The following DNAJC3 variants were observed in gnomAD, a reference collection of about 807,000 sequenced individuals.
DNAJC3 encodes DnaJ heat shock protein family (Hsp40) member C3.
Under a neutral mutation model 68.6 loss-of-function variants are expected in DNAJC3, and 38 were observed. That is an observed-to-expected ratio of 0.55 (90% CI 0.43 to 0.73). The LOEUF is 0.73. Ranked by LOEUF, DNAJC3 falls within the 30% of genes least tolerant of loss-of-function variation. DNAJC3 has a pLI of 0.00. For missense variants in DNAJC3, 526 were observed against 591.9 expected, an observed-to-expected ratio of 0.89 and a Z score of 1.16; for synonymous variants, 203 against 204.0, an observed-to-expected ratio of 1.00 and a Z score of 0.04.
chr13:95,680,232 A>G (rs1002852874), intron 1 of DNAJC3, among the ~76,000 whole-genome samples: 6 of 152,188 alleles, frequency 3.9e-5, no homozygotes, highest in African/African-American at 1.4e-4. Flanking sequence ...TTCTCTTATC[A>G]TAGTTTTATC....
chr13:95,728,060 T>G (rs1260214585), intron 4 of DNAJC3, among the ~76,000 whole-genome samples: 1 of 152,234 alleles, frequency 6.6e-6, no homozygotes, highest in South Asian at 2.1e-4. Flanking sequence ...TTCTGGAGAT[T>G]TATCTAGATT....
At chr13:95,765,831 C>T (rs1882978820) in intron 9 of DNAJC3, among the ~76,000 whole-genome samples, 1 of 152,072 alleles carries the variant, frequency 6.6e-6, no homozygotes, top group African/African-American at 2.4e-5. Flanking sequence ...CTTGGCCTCC[C>T]AAAGTGCTAG....
intron 1 of DNAJC3, among the ~76,000 whole-genome samples, chr13:95,679,949 C>G (rs1351809919): frequency 6.6e-6 from 1 of 152,114 alleles, no homozygotes; most frequent in Non-Finnish European, 1.5e-5. Context: ...TTGTTTTCTT[C>G]TAGATTTTTC....
At chr13:95,736,894 G>A (rs1189652288) in intron 4 of DNAJC3, among the ~76,000 whole-genome samples, 1 of 149,078 alleles carries the variant, frequency 6.7e-6, no homozygotes, top group African/African-American at 2.5e-5. Flanking sequence ...TCCCTGTCTT[G>A]TGCCAGTTTT....
At chr13:95,701,067 G>A (rs1452768292) in intron 1 of DNAJC3, among the ~76,000 whole-genome samples, 10 of 151,968 alleles carry the variant, frequency 6.6e-5, no homozygotes, top group Admixed American at 6.6e-5. Flanking sequence ...CAGCCTTTTC[G>A]ACAAAGGTAG....
chr13:95,721,921 G>A (rs1018260909), intron 2 of DNAJC3, among the ~76,000 whole-genome samples: 1 of 152,020 alleles, frequency 6.6e-6, no homozygotes, highest in Non-Finnish European at 1.5e-5. Context: ...TTCTTCTATT[G>A]TAATGTTTTC....
intron 4 of DNAJC3, among the ~76,000 whole-genome samples, chr13:95,732,892 T>C (rs1881762659): frequency 6.6e-6 from 1 of 152,148 alleles, no homozygotes; most frequent in South Asian, 2.1e-4. Flanking sequence ...AAAAAAATTT[T>C]TTTATTTCCA....
At chr13:95,778,258 C>T (rs1883341771) in intron 9 of DNAJC3, among the ~76,000 whole-genome samples, 1 of 152,118 alleles carries the variant, frequency 6.6e-6, no homozygotes, top group African/African-American at 2.4e-5. Context: ...TTAATAATGT[C>T]CAAACACCAA....
intron 2 of DNAJC3, among the ~76,000 whole-genome samples, chr13:95,712,553 T>A (rs974483379): frequency 3.9e-5 from 6 of 152,014 alleles, no homozygotes; most frequent in African/African-American, 1.4e-4. Flanking sequence ...ATTTTTGTAT[T>A]TTTAGTAGAG....
At chr13:95,721,205 AG>A (rs1881312305) in intron 2 of DNAJC3, among the ~76,000 whole-genome samples, 1 of 152,132 alleles carries the variant, frequency 6.6e-6, no homozygotes, top group Admixed American at 6.5e-5. Flanking sequence ...AATGTTTTTA[AG>A]GTTCATCCAT....
intron 1 of DNAJC3, among the ~76,000 whole-genome samples, chr13:95,685,224 A>AG (rs1448464659): frequency 6.6e-6 from 1 of 152,234 alleles, no homozygotes; most frequent in African/African-American, 2.4e-5. Context: ...AGGCCTTGGG[A>AG]GCTCACCCCT....
At chr13:95,748,326 C>A (rs754220169) in intron 4 of DNAJC3, among the ~76,000 whole-genome samples, 1 of 152,086 alleles carries the variant, frequency 6.6e-6, no homozygotes, top group Non-Finnish European at 1.5e-5. Flanking sequence ...ATTTTTAAAT[C>A]AAGTATAAAC....
chr13:95,749,590 T>G (rs960729739), intron 4 of DNAJC3, among the ~76,000 whole-genome samples: 2 of 152,062 alleles, frequency 1.3e-5, no homozygotes, highest in African/African-American at 4.8e-5. Flanking sequence ...GGGTTGAAGA[T>G]GGGAAACAGA....
At chr13:95,745,180 T>C (rs1160378149) in intron 4 of DNAJC3, 1 of 152,200 alleles carries the variant, frequency 6.6e-6, no homozygotes, top group African/African-American at 2.4e-5. Flanking sequence ...TAAATGGCAA[T>C]ATAAAAATTG....
At chr13:95,736,429 C>T (rs1206171972) in intron 4 of DNAJC3, among the ~76,000 whole-genome samples, 2 of 147,590 alleles carry the variant, frequency 1.4e-5, no homozygotes, top group South Asian at 2.2e-4. Flanking sequence ...GCCATTTTCA[C>T]GATATTGATT....
intron 4 of DNAJC3, among the ~76,000 whole-genome samples, chr13:95,741,835 A>G (rs541850793): frequency 1.3e-5 from 2 of 152,308 alleles, no homozygotes; most frequent in Non-Finnish European, 2.9e-5. Context: ...CAATGGGTAT[A>G]GACTGGGCAG....
chr13:95,702,090 C>T (rs922409079), intron 1 of DNAJC3, among the ~76,000 whole-genome samples: 10 of 152,296 alleles, frequency 6.6e-5, no homozygotes, highest in African/African-American at 2.2e-4. Flanking sequence ...CTTTAACAGG[C>T]ATATAACCAA....
intron 4 of DNAJC3, among the ~76,000 whole-genome samples, chr13:95,732,064 A>G (rs1422282463): frequency 6.6e-6 from 1 of 151,808 alleles, no homozygotes; most frequent in Admixed American, 6.6e-5. Context: ...TTGTCAAGCT[A>G]TTGGATTCAT....
intron 4 of DNAJC3, among the ~76,000 whole-genome samples, chr13:95,751,765 A>T (rs1314565408): frequency 6.6e-6 from 1 of 152,214 alleles, no homozygotes; most frequent in African/African-American, 2.4e-5. Flanking sequence ...TGGGTAATTT[A>T]TAAAGGAAAG....
Sources: gnomAD v4.1 joint callset for allele counts (sites outside exome capture counted in the v4.1 genomes callset) on GRCh38, gnomAD v4.1.1 for gene constraint, MANE v1.5 for transcripts, NCBI Gene and HGNC (gene_info 2026-07-23, HGNC 2026-07-21) for gene names.